The following SCAPER variants were observed in gnomAD, a reference collection of about 807,000 sequenced individuals.
The protein encoded by SCAPER is S phase cyclin A-associated protein in the endoplasmic reticulum.
Under a neutral mutation model 182.2 loss-of-function variants are expected in SCAPER, and 98 were observed. That is an observed-to-expected ratio of 0.54 (90% CI 0.46 to 0.64). SCAPER has a LOEUF of 0.64. Ranked by LOEUF, SCAPER falls within the 30% of genes least tolerant of loss-of-function variation. The probability of loss-of-function intolerance (pLI) is 0.00; values close to 1 mark genes in which losing one functional copy is unlikely to be tolerated. For missense variants in SCAPER, 1,432 were observed against 1,690.0 expected, an observed-to-expected ratio of 0.85 and a Z score of 2.68; for synonymous variants, 605 against 564.6, an observed-to-expected ratio of 1.07 and a Z score of -1.01.
chr15:76,734,273 A>G (rs1395488589), intron 15 of SCAPER, among the ~76,000 whole-genome samples: 1 of 152,198 alleles, frequency 6.6e-6, no homozygotes, highest in Non-Finnish European at 1.5e-5. Flanking sequence ...AGCTAATGAT[A>G]AAGCTCAAAA....
chr15:76,397,623 G>C (rs1332674432), intron 27 of SCAPER, among the ~76,000 whole-genome samples: 1 of 151,908 alleles, frequency 6.6e-6, no homozygotes, highest in Admixed American at 6.6e-5. Flanking sequence ...TGGGATTATA[G>C]GCATGCACCA....
intron 6 of SCAPER, 68 bp from the exon 7 acceptor site, chr15:76,800,432 T>G: frequency 9.4e-7 from 1 of 1,059,226 alleles, no homozygotes; most frequent in South Asian, 1.4e-5. Context: ...ATCTTTTCTC[T>G]TGGTTGTTAG....
At position 76,357,184 on chromosome 15, in the gene SCAPER, A is replaced by ACACACACACACC. The variant is rs1485814475; in HGVS notation, c.3856-3045_3856-3044insGGTGTGTGTGTG. On this transcript the variant is annotated intron_variant, in intron 29 of 31. Transcript: ENST00000563290. The stretch of plus-strand genomic sequence containing the variant: ...CACACACACACACACACACACACAC[A>ACACACACACACC]CACACCCCTATGGCCACTCACCTAC... Among the ~76,000 whole-genome samples the ACACACACACACC allele has an allele frequency of 1.3e-3, 190 of 151,494 alleles. 1 individual carries two copies. The highest frequency in any genetic ancestry group is 2.0e-3 in the Non-Finnish European group (138 of 67,826).
intron 20 of SCAPER, among the ~76,000 whole-genome samples, chr15:76,688,342 G>A (rs1165389097): frequency 6.6e-6 from 1 of 152,164 alleles, no homozygotes; most frequent in Non-Finnish European, 1.5e-5. Context: ...TTAGCCCTTT[G>A]TCATATGGAT....
rs1444265186 is a variant in SCAPER at position 76,404,517 on chromosome 15, G to C, written c.3467+7C>G. On this transcript the variant is annotated splice_region_variant and intron_variant, in intron 27 of 31. Transcript: ENST00000563290. The stretch of plus-strand genomic sequence containing the variant: ...GAGTCTAGATTGAGATCAAGTAGAT[G>C]CCTTACCTTCCAGTGACAGCAAAGC... 6.3e-7 allele frequency: 1 copy of C among 1,592,980 alleles called. No homozygotes were observed. The highest frequency in any genetic ancestry group is 1.1e-5 in the South Asian group (1 of 89,322).
intron 2 of SCAPER, among the ~76,000 whole-genome samples, chr15:76,875,331 T>C (rs1285106220): frequency 6.6e-6 from 1 of 152,194 alleles, no homozygotes; most frequent in Non-Finnish European, 1.5e-5. Flanking sequence ...AAATCATATA[T>C]ATGTATGTGT....
intron 26 of SCAPER, among the ~76,000 whole-genome samples, chr15:76,417,219 T>TA (rs888686211): frequency 3.2e-5 from 3 of 94,148 alleles, no homozygotes; most frequent in East Asian, 2.6e-4. Context: ...CTGTGTGTGT[T>TA]AAAAAAACAA....
intron 26 of SCAPER, among the ~76,000 whole-genome samples, chr15:76,410,784 C>CT (rs532693633): frequency 1.3e-3 from 181 of 144,418 alleles, no homozygotes; most frequent in South Asian, 2.6e-3. Flanking sequence ...TCTATTCTTG[C>CT]TTTTTTTTTT....
At chr15:76,781,074 A>G (rs1251756029) in intron 8 of SCAPER, among the ~76,000 whole-genome samples, 1 of 152,184 alleles carries the variant, frequency 6.6e-6, no homozygotes, top group Non-Finnish European at 1.5e-5. Flanking sequence ...GAAGGCCAGT[A>G]ATAACAAACT....
chr15:76,790,762 C>G (rs896339045), intron 8 of SCAPER, among the ~76,000 whole-genome samples: 2 of 152,100 alleles, frequency 1.3e-5, no homozygotes, highest in African/African-American at 4.8e-5. Context: ...TCTGTTAATT[C>G]TACTGGTCTA....
chr15:76,417,145 C>T (rs990957644), intron 26 of SCAPER, among the ~76,000 whole-genome samples: 3 of 151,784 alleles, frequency 2.0e-5, no homozygotes, highest in Admixed American at 6.6e-5. Context: ...AAAATAACTA[C>T]ATATATATAC....
At chr15:76,407,187 A>C (rs2044913067) in intron 26 of SCAPER, among the ~76,000 whole-genome samples, 1 of 152,220 alleles carries the variant, frequency 6.6e-6, no homozygotes, top group African/African-American at 2.4e-5. Context: ...ACACAAACTT[A>C]GATAGTATAG....
chr15:76,687,179 T>C (rs2058079836), intron 20 of SCAPER, among the ~76,000 whole-genome samples: 1 of 152,252 alleles, frequency 6.6e-6, no homozygotes, highest in East Asian at 1.9e-4. Flanking sequence ...TCTTTCCATT[T>C]TGAGTAAAGG....
intron 24 of SCAPER, among the ~76,000 whole-genome samples, chr15:76,478,106 GC>G: frequency 6.6e-6 from 1 of 151,756 alleles, no homozygotes; most frequent in Admixed American, 6.6e-5. Flanking sequence ...GCTTTTATGA[GC>G]TTTGCCTTTG....
chr15:76,887,547 C>T (rs918866526), intron 1 of SCAPER, among the ~76,000 whole-genome samples: 5 of 152,224 alleles, frequency 3.3e-5, no homozygotes, highest in Non-Finnish European at 7.3e-5. Context: ...AGCCTTGTCA[C>T]TGCTAGTGTA....
intron 20 of SCAPER, among the ~76,000 whole-genome samples, chr15:76,685,198 C>A (rs1348862767): frequency 6.6e-6 from 1 of 151,830 alleles, no homozygotes; most frequent in East Asian, 1.9e-4. Flanking sequence ...TTATTACACA[C>A]CTAAAGCAAA....
intron 5 of SCAPER, among the ~76,000 whole-genome samples, chr15:76,813,748 T>C (rs1220577292): frequency 6.6e-6 from 1 of 152,146 alleles, no homozygotes; most frequent in Non-Finnish European, 1.5e-5. Flanking sequence ...ATAAATATAA[T>C]ATAACCAAGG....
intron 22 of SCAPER, among the ~76,000 whole-genome samples, chr15:76,604,836 T>C (rs2050232398): frequency 6.6e-6 from 1 of 151,718 alleles, no homozygotes; most frequent in South Asian, 2.1e-4. Flanking sequence ...TTGTCTGTTA[T>C]TGGTGTATAA....
chr15:76,484,121 T>C (rs977451723), intron 24 of SCAPER, among the ~76,000 whole-genome samples: 5 of 152,144 alleles, frequency 3.3e-5, no homozygotes, highest in African/African-American at 4.8e-5. Flanking sequence ...ACATAAACAA[T>C]TGATACACAT....
Sources: gnomAD v4.1 joint callset for allele counts (sites outside exome capture counted in the v4.1 genomes callset) on GRCh38, gnomAD v4.1.1 for gene constraint, MANE v1.5 for transcripts, NCBI Gene and HGNC (gene_info 2026-07-23, HGNC 2026-07-21) for gene names.